PLEKHA1: variants seen among roughly 807,000 people sequenced by gnomAD.
The protein encoded by PLEKHA1 is pleckstrin homology domain-containing family A member 1.
PLEKHA1 carries 34 observed loss-of-function variants against 52.0 expected under a neutral mutation model. The ratio of observed to expected loss-of-function variants is 0.65; its 90% CI spans 0.50 to 0.87. The LOEUF is 0.87. Ranked by LOEUF, PLEKHA1 falls within the 40% of genes least tolerant of loss-of-function variation. The pLI is 0.00. For synonymous variants in PLEKHA1, 163 were observed against 170.7 expected (o/e 0.95, Z 0.35); for missense variants, 497 against 504.2 (o/e 0.99, Z 0.14).
intron 5 of PLEKHA1, 38 bp from the exon 6 acceptor site, chr10:122,412,882 G>T (rs756679449): frequency 6.2e-7 from 1 of 1,608,600 alleles, no homozygotes; most frequent in Non-Finnish European, 8.5e-7. Flanking sequence ...CATGTATAAT[G>T]CTGGTTGCAA....
intron 1 of PLEKHA1, among the ~76,000 whole-genome samples, chr10:122,378,751 A>C (rs1325672811): frequency 3.3e-5 from 5 of 151,818 alleles, no homozygotes; most frequent in Non-Finnish European, 7.4e-5. Flanking sequence ...AAAAAAAAAA[A>C]AAAACAGAAA....
chr10:122,429,440 G>A (rs140711592), intron 11 of PLEKHA1, among the ~76,000 whole-genome samples, 184 bp from the exon 12 acceptor site: 113 of 152,048 alleles, frequency 7.4e-4, no homozygotes, highest in Non-Finnish European at 1.4e-3. Flanking sequence ...CTAAAAACGC[G>A]TTGCTTTGGG....
rs535517387 is a variant in PLEKHA1 at position 122,388,932 on chromosome 10, A to G, written c.-20-4249A>G. The stretch of plus-strand genomic sequence containing the variant: ...TTAGTCACATTTTCAGGCCCTTCTA[A>G]TTCTAGTCCTTTTGCTGTTTCTGCC... On this transcript the variant is annotated intron_variant, in intron 1 of 11. Coordinates refer to ENST00000368990, the MANE Select transcript of PLEKHA1 (RefSeq NM_001001974.4). 1.1e-4 allele frequency among the ~76,000 whole-genome samples: 17 copies of G among 152,154 alleles called. No homozygotes were observed. In the East Asian group the frequency reaches 3.3e-3, roughly 29 times the overall value.
chr10:122,406,607 A>T lies in PLEKHA1; in HGVS notation c.276A>T (p.Leu92=). The T allele has an allele frequency of 6.2e-7, 1 of 1,613,244 alleles. No homozygotes were observed. The change falls in exon 5 of 12, where the codon CTA becomes CTT. Residue 92 remains leucine (L), a synonymous_variant. Coordinates refer to ENST00000368990, the MANE Select transcript of PLEKHA1 (RefSeq NM_001001974.4). ...VMNAGMRKYF[L]QANDQQDLVE... Reference sequence around the variant, plus strand: ...ATGCAGGAATGAGGAAGTACTTCCTACAAGCCAATGATCAGCAGGACCTAG... The same window carrying T: ...ATGCAGGAATGAGGAAGTACTTCCTTCAAGCCAATGATCAGCAGGACCTAG...
intron 1 of PLEKHA1, among the ~76,000 whole-genome samples, chr10:122,378,375 A>T (rs1462622772): frequency 1.9e-5 from 2 of 107,268 alleles, no homozygotes; most frequent in East Asian, 2.6e-4. Context: ...GCTCTTTCCC[A>T]CCCCCCTGTC....
intron 1 of PLEKHA1, among the ~76,000 whole-genome samples, chr10:122,384,783 G>A (rs900955408): frequency 2.0e-5 from 3 of 152,028 alleles, no homozygotes; most frequent in Non-Finnish European, 4.4e-5. Context: ...GTGAAACCCT[G>A]TCTCTACTGA....
chr10:122,428,223 TC>T, intron 11 of PLEKHA1: 1 of 1,411,182 alleles, frequency 7.1e-7, no homozygotes, highest in South Asian at 1.7e-5. Context: ...TCTCTTTTCC[TC>T]CCTCTACCCA....
At chr10:122,407,797 C>A (rs985068871) in intron 5 of PLEKHA1, among the ~76,000 whole-genome samples, 1 of 152,080 alleles carries the variant, frequency 6.6e-6, no homozygotes, top group African/African-American at 2.4e-5. Flanking sequence ...TATATACTGA[C>A]CCTAAGTGAC....
intron 5 of PLEKHA1, 110 bp from the exon 6 acceptor site, chr10:122,412,810 T>G (rs2097125627): frequency 8.6e-7 from 1 of 1,163,180 alleles, no homozygotes; most frequent in Non-Finnish European, 1.2e-6. Flanking sequence ...AATTTTTATA[T>G]GTATCTGTCA....
the PLEKHA1 span, chr10:122,440,031 C>A: frequency 6.6e-6 from 1 of 152,174 alleles, no homozygotes; most frequent in Admixed American, 6.5e-5. Context: ...CCACTTTGTT[C>A]TTCAACTCAA....
intron 11 of PLEKHA1, chr10:122,428,315 A>G (rs1029691560): frequency 5.0e-5 from 77 of 1,547,044 alleles, no homozygotes; most frequent in Non-Finnish European, 6.3e-5. Flanking sequence ...TTGTATACAG[A>G]GGTATACATC....
At chr10:122,380,377 T>G (rs9887977) in intron 1 of PLEKHA1, among the ~76,000 whole-genome samples, 14,189 of 152,270 alleles carry the variant, frequency 0.093, 787 homozygotes, top group Middle Eastern at 0.17. Flanking sequence ...AAGTAAACTG[T>G]ATCATTCATT....
intron 1 of PLEKHA1, among the ~76,000 whole-genome samples, chr10:122,376,515 T>G (rs1026265901): frequency 1.9e-4 from 5 of 26,286 alleles, no homozygotes; most frequent in African/African-American, 4.2e-4. Flanking sequence ...TATATATATA[T>G]ATATATATAT....
chr10:122,389,829 T>C lies in PLEKHA1; in HGVS notation c.-20-3352T>C, dbSNP rs370212014. ...TGCATAATTCTTGAGGGCTCTAGGA[T>C]TTTTTTCGGAATGGTAAGTGAGCAG... On this transcript the variant is annotated intron_variant, in intron 1 of 11. Transcript: ENST00000368990. 7.2e-5 allele frequency among the ~76,000 whole-genome samples: 11 copies of C among 152,304 alleles called. No homozygotes were observed. In the East Asian group the frequency reaches 1.9e-3, roughly 27 times the overall value.
chr10:122,413,340 C>T (rs2097132190), intron 6 of PLEKHA1, among the ~76,000 whole-genome samples: 1 of 152,046 alleles, frequency 6.6e-6, no homozygotes. Context: ...TGAACATTTT[C>T]CAAGTCATCA....
At chr10:122,385,786 A>G (rs2096685666) in intron 1 of PLEKHA1, among the ~76,000 whole-genome samples, 1 of 152,158 alleles carries the variant, frequency 6.6e-6, no homozygotes. Context: ...TACATTTGAC[A>G]TTTATTAGTT....
chr10:122,381,333 G>A (rs2096611592), intron 1 of PLEKHA1, among the ~76,000 whole-genome samples: 1 of 152,256 alleles, frequency 6.6e-6, no homozygotes, highest in East Asian at 1.9e-4. Context: ...GTAGGATATG[G>A]TTTGGATTTG....
chr10:122,396,857 T>C (rs2096856198), intron 2 of PLEKHA1, among the ~76,000 whole-genome samples: 1 of 152,122 alleles, frequency 6.6e-6, no homozygotes, highest in Non-Finnish European at 1.5e-5. Flanking sequence ...TTCTTTTGTC[T>C]GGTTTTCCTA....
Position 122,406,512 on chromosome 10 carries a change from C to T in PLEKHA1, c.245-64C>T, listed in dbSNP as rs1298994521. On this transcript the variant is annotated intron_variant, in intron 4 of 11. Transcript: ENST00000368990. ...TGAACTTAGCAAGGTTTTTCAGCTA[C>T]TGCAAACATAAATTTAGAGGTAATA... The T allele has an allele frequency of 3.0e-6, 4 of 1,353,200 alleles. No individual in the cohort carries two copies. The Admixed American group carries it at 5.3e-5, about 18-fold the overall frequency. The allele number at this position is 1,353,200 out of a possible 1,614,324, so 83.8% of individuals were successfully genotyped here. A position where few individuals can be genotyped will look rare whatever the true frequency, so the allele number is the denominator to read the frequency against.
Sources: allele counts gnomAD v4.1 joint callset (sites outside exome capture counted in the v4.1 genomes callset), GRCh38; gene constraint gnomAD v4.1.1; transcripts MANE v1.5; gene names NCBI Gene and HGNC (gene_info 2026-07-23, HGNC 2026-07-21).